Variants in NLGN4X observed in about 807,000 individuals in gnomAD.
NLGN4X encodes the protein neuroligin-4, X-linked.
In NLGN4X, 3 loss-of-function variants were observed where a neutral mutation model predicts 40.3. The ratio of observed to expected loss-of-function variants is 0.07; its 90% CI spans 0.03 to 0.19. NLGN4X has a LOEUF of 0.19. NLGN4X is among the 10% of genes least tolerant of loss of function. The pLI is 1.00. For synonymous variants in NLGN4X, 270 were observed against 306.8 expected, an observed-to-expected ratio of 0.88 and a Z score of 1.25; for missense variants, 382 against 708.3, an observed-to-expected ratio of 0.54 and a Z score of 5.23.
rs1008452832 is a variant in NLGN4X, at chrX:6,076,247, C to T, written c.473-46815G>A. Among the ~76,000 whole-genome samples, 3 of 112,280 alleles carry T rather than the reference C, an allele frequency of 2.7e-5. 1 individual carries two copies. Among genetic ancestry groups the T allele is most frequent in the Non-Finnish European group, 5.6e-5 (3 of 53,283 alleles). On this transcript the variant is annotated intron_variant, in intron 2 of 5. Transcript: ENST00000381095. The stretch of plus-strand genomic sequence containing the variant: ...GGCACTAGTTACACTTTATTAAATA[C>T]TGCAGTAGGAATTAACGTATGTTAT...
intron 5 of NLGN4X, among the ~76,000 whole-genome samples, chrX:5,897,485 T>TGAGA (rs2031562446): frequency 3.6e-5 from 4 of 111,687 alleles, no homozygotes; most frequent in Non-Finnish European, 5.6e-5. Flanking sequence ...ACGGTCTCAA[T>TGAGA]CTACCTTATT....
At chrX:6,043,346 T>C (rs951352718) in intron 2 of NLGN4X, among the ~76,000 whole-genome samples, 2 of 111,177 alleles carry the variant, frequency 1.8e-5, no homozygotes, top group Non-Finnish European at 3.8e-5. Context: ...TATATATACA[T>C]ACACACATAC....
chrX:5,919,261 ATC>A (rs2032932840), intron 3 of NLGN4X, among the ~76,000 whole-genome samples: 1 of 111,323 alleles, frequency 9.0e-6, no homozygotes, highest in African/African-American at 3.3e-5. Context: ...TAGCATCTTA[ATC>A]TCTGTCTGAC....
intron 3 of NLGN4X, among the ~76,000 whole-genome samples, chrX:5,975,056 G>C (rs966881379): frequency 1.8e-5 from 2 of 111,597 alleles, no homozygotes; most frequent in Non-Finnish European, 3.8e-5. Context: ...GGATGGATTG[G>C]GAGGGAGCAG....
chrX:6,101,527 A>T (rs1215988298), intron 2 of NLGN4X, among the ~76,000 whole-genome samples: 1 of 111,869 alleles, frequency 8.9e-6, no homozygotes, highest in Non-Finnish European at 1.9e-5. Context: ...ACATAGATAA[A>T]ACTGGAGATC....
intron 3 of NLGN4X, among the ~76,000 whole-genome samples, chrX:5,987,299 T>G (rs2035556666): frequency 8.9e-6 from 1 of 112,315 alleles, no homozygotes; most frequent in Non-Finnish European, 1.9e-5. Context: ...GATGCCTTTA[T>G]CATTGGGAAA....
intron 5 of NLGN4X, among the ~76,000 whole-genome samples, chrX:5,900,605 G>C (rs1189333517): frequency 1.2e-5 from 1 of 84,757 alleles, no homozygotes; most frequent in African/African-American, 4.6e-5. Context: ...TAAAGGTTTC[G>C]GTCTGTCACC....
intron 3 of NLGN4X, among the ~76,000 whole-genome samples, chrX:5,960,136 A>G (rs1293858742): frequency 9.0e-6 from 1 of 111,354 alleles, no homozygotes; most frequent in Admixed American, 9.6e-5. Context: ...CAGTTATAGT[A>G]TATCAATTAA....
chrX:6,174,873 T>C (rs1288514683), intron 1 of NLGN4X, among the ~76,000 whole-genome samples: 5 of 110,803 alleles, frequency 4.5e-5, no homozygotes, highest in Middle Eastern at 4.3e-3. Flanking sequence ...TTGTACCCTA[T>C]ACCTCAGCAT....
At chrX:6,036,752 C>G (rs186467433) in intron 2 of NLGN4X, among the ~76,000 whole-genome samples, 2 of 110,409 alleles carry the variant, frequency 1.8e-5, no homozygotes, top group African/African-American at 6.6e-5. Flanking sequence ...TTAGCATCTC[C>G]GTAAAACCTC....
chrX:5,945,497 G>A (rs1190499102), intron 3 of NLGN4X, among the ~76,000 whole-genome samples: 1 of 112,019 alleles, frequency 8.9e-6, no homozygotes, highest in Non-Finnish European at 1.9e-5. Context: ...ACATTTGGAA[G>A]CGAACTTGGC....
chrX:6,118,795 C>T (rs993547774), intron 2 of NLGN4X, among the ~76,000 whole-genome samples: 6 of 111,428 alleles, frequency 5.4e-5, no homozygotes, highest in African/African-American at 1.3e-4. Context: ...GCCCTCTCAA[C>T]GGCCTACTGT....
chrX:6,188,392 C>T (rs1479405691), intron 1 of NLGN4X, among the ~76,000 whole-genome samples: 1 of 112,058 alleles, frequency 8.9e-6, no homozygotes, highest in East Asian at 2.8e-4. Context: ...GAGCTTTCAT[C>T]CCACTTTCTA....
In NLGN4X at chrX:5,893,891, T is replaced by A. The variant is rs140166940; in HGVS notation, c.1602-225A>T. Reference sequence around the variant, plus strand: ...CTCTTATTTTTCTTTTAAATATAAATCCTGATAGCAGCATTATGCAATTTT... The same window carrying A: ...CTCTTATTTTTCTTTTAAATATAAAACCTGATAGCAGCATTATGCAATTTT... On this transcript the variant is annotated intron_variant, in intron 5 of 5. Transcript: ENST00000381095. Among the ~76,000 whole-genome samples the A allele has an allele frequency of 9.6e-3, 1,076 of 112,271 alleles. 14 individuals carry two copies. The highest frequency in any genetic ancestry group is 0.031 in the African/African-American group (974 of 30,964).
chrX:6,208,461 A>G (rs1924240620), intron 1 of NLGN4X, among the ~76,000 whole-genome samples: 1 of 112,344 alleles, frequency 8.9e-6, no homozygotes, highest in Non-Finnish European at 1.9e-5. Context: ...GATAGAATTC[A>G]TAAAGTCTAT....
chrX:5,915,174 A>G (rs55639410), intron 3 of NLGN4X, among the ~76,000 whole-genome samples: 1,580 of 112,460 alleles, frequency 0.014, 21 homozygotes, highest in African/African-American at 0.048. Context: ...TCTATTTCCA[A>G]TATCAGTAGA....
intron 3 of NLGN4X, among the ~76,000 whole-genome samples, chrX:5,927,632 C>T (rs1048158762): frequency 1.8e-5 from 2 of 112,180 alleles, no homozygotes; most frequent in African/African-American, 6.5e-5. Context: ...ACACTGCATT[C>T]CCCATGCATC....
chrX:6,013,964 C>T (rs906496726), intron 3 of NLGN4X, among the ~76,000 whole-genome samples: 11 of 109,431 alleles, frequency 1.0e-4, no homozygotes, highest in African/African-American at 2.0e-4. Flanking sequence ...GAGCGGATCA[C>T]GAGGTCAGGA....
intron 3 of NLGN4X, among the ~76,000 whole-genome samples, chrX:6,026,341 A>C (rs2036695012): frequency 1.8e-5 from 2 of 112,212 alleles, no homozygotes; most frequent in Non-Finnish European, 3.8e-5. Context: ...AACTCAAAGA[A>C]TATTTCAACT....
Sources: gnomAD v4.1 joint callset for allele counts (sites outside exome capture counted in the v4.1 genomes callset) on GRCh38, gnomAD v4.1.1 for gene constraint, MANE v1.5 for transcripts, NCBI Gene and HGNC (gene_info 2026-07-23, HGNC 2026-07-21) for gene names.